Variants in ANKHD1 observed in about 807,000 individuals in gnomAD.
ANKHD1 encodes the protein ankyrin repeat and KH domain-containing protein 1.
ANKHD1 carries 31 observed loss-of-function variants against 230.5 expected under a neutral mutation model. That is an observed-to-expected ratio of 0.13 (90% CI 0.10 to 0.18). ANKHD1 has a LOEUF of 0.18. ANKHD1 is among the 10% of genes least tolerant of loss of function. ANKHD1 has a pLI of 1.00. For missense variants in ANKHD1, 2,256 were observed against 3,071.3 expected, an observed-to-expected ratio of 0.73 and a Z score of 6.27; for synonymous variants, 1,074 against 1,117.6, an observed-to-expected ratio of 0.96 and a Z score of 0.78.
intron 26 of ANKHD1, 59 bp downstream of exon 26, chr5:140,526,502 A>G: frequency 6.5e-7 from 1 of 1,528,494 alleles, no homozygotes; most frequent in Non-Finnish European, 8.8e-7. Context: ...GCCTGGTACA[A>G]GAATTTGAAG....
In ANKHD1 at chr5:140,430,652, C is replaced by CTT. The variant is rs34643827; in HGVS notation, c.307-5434_307-5433dup. Among the ~76,000 whole-genome samples, 134 of 114,678 alleles carry CTT rather than the reference C, an allele frequency of 1.2e-3. 2 individuals carry two copies. Among genetic ancestry groups the CTT allele is most frequent in the African/African-American group, 3.9e-3 (125 of 32,414 alleles). 75.2% of individuals were successfully genotyped at this position (114,678 alleles called of 152,430 possible). ...CCACGTAGCTATAAATGGTTTCCAT[C>CTT]TTTTTTTTTTTTTTTTTTTGACAGA... On this transcript the variant is annotated intron_variant, in intron 1 of 33. Coordinates refer to ENST00000360839, the MANE Select transcript of ANKHD1 (RefSeq NM_017747.3).
At position 140,508,015 on chromosome 5, in the gene ANKHD1, T is replaced by C. The variant is rs1446285261; in HGVS notation, c.3765+17T>C. 1 of 1,600,658 alleles carries C rather than the reference T, an allele frequency of 6.2e-7. No individual in the cohort carries two copies. The highest frequency in any genetic ancestry group is 1.1e-5 in the South Asian group (1 of 89,676). On this transcript the variant is annotated intron_variant, in intron 20 of 33. Coordinates refer to ENST00000360839, the MANE Select transcript of ANKHD1 (RefSeq NM_017747.3). ...AGGGCAAAGGTAAGCATTTTTTACT[T>C]GTCAACTATTTCAGATACATTTCTG...
intron 15 of ANKHD1, 76 bp downstream of exon 15, chr5:140,497,354 C>T (rs1048068572): frequency 2.9e-5 from 43 of 1,500,552 alleles, no homozygotes; most frequent in Non-Finnish European, 3.5e-5. Flanking sequence ...CCTCCAAAAA[C>T]GTAGACTTTG....
intron 29 of ANKHD1, among the ~76,000 whole-genome samples, chr5:140,534,173 A>G (rs1009596164): frequency 2.0e-5 from 3 of 152,168 alleles, no homozygotes; most frequent in Non-Finnish European, 4.4e-5. Flanking sequence ...CGGGTGGATC[A>G]TGAGGTCAGG....
chr5:140,519,469 A>C (rs866316636), intron 24 of ANKHD1, among the ~76,000 whole-genome samples: 3 of 152,220 alleles, frequency 2.0e-5, no homozygotes, highest in African/African-American at 7.2e-5. Context: ...CACATCGCCA[A>C]GTCAGTCCTA....
rs2127105554 is a variant in ANKHD1 at position 140,539,605 on chromosome 5, AT to A, written c.*191del. On this transcript the variant is annotated 3_prime_UTR_variant, in exon 34 of 34. Transcript: ENST00000360839. ...ATTATGTTCTCTGGTTAGTTTAGCC[AT>A]TTTGAACTTAAGATCATATGACCTT... 1 of 626,344 alleles carries A rather than the reference AT, an allele frequency of 1.6e-6. No homozygotes were observed. The highest frequency in any genetic ancestry group is 2.7e-5 in the South Asian group (1 of 37,226). 38.8% of individuals were successfully genotyped at this position (626,344 alleles called of 1,614,324 possible).
intron 18 of ANKHD1, 21 bp downstream of exon 18, chr5:140,505,890 A>G: frequency 6.4e-7 from 1 of 1,551,234 alleles, no homozygotes; most frequent in Non-Finnish European, 8.7e-7. Flanking sequence ...GTTAATTTTC[A>G]TTTTGTAAAT....
chr5:140,456,591 G>C (rs1315082759), intron 7 of ANKHD1, among the ~76,000 whole-genome samples: 1 of 152,182 alleles, frequency 6.6e-6, no homozygotes, highest in African/African-American at 2.4e-5. Flanking sequence ...TGACAAATCT[G>C]AGAAAAGCAA....
At chr5:140,403,023 G>A (rs1460694547) in intron 1 of ANKHD1, among the ~76,000 whole-genome samples, 2 of 126,792 alleles carry the variant, frequency 1.6e-5, no homozygotes, top group Non-Finnish European at 3.1e-5. Flanking sequence ...GTCCACGCTA[G>A]AATACACGTG....
intron 1 of ANKHD1, among the ~76,000 whole-genome samples, chr5:140,428,128 C>T (rs1159380610): frequency 6.6e-6 from 1 of 151,234 alleles, no homozygotes; most frequent in Non-Finnish European, 1.5e-5. Context: ...GGCGGCTGGG[C>T]AGAGACGCTC....
chr5:140,439,022 T>C (rs1242467212), intron 3 of ANKHD1, among the ~76,000 whole-genome samples: 1 of 152,218 alleles, frequency 6.6e-6, no homozygotes, highest in Non-Finnish European at 1.5e-5. Flanking sequence ...GTCCATGGAC[T>C]GGCAGTATCA....
intron 14 of ANKHD1, among the ~76,000 whole-genome samples, chr5:140,493,355 G>A (rs546550085): frequency 2.6e-5 from 4 of 152,084 alleles, no homozygotes; most frequent in African/African-American, 7.2e-5. Flanking sequence ...GTGAGCCACC[G>A]CACCCGGCCA....
chr5:140,433,517 G>T (rs1396545910), intron 1 of ANKHD1, among the ~76,000 whole-genome samples: 1 of 152,152 alleles, frequency 6.6e-6, no homozygotes, highest in Non-Finnish European at 1.5e-5. Context: ...GTCTTCACGG[G>T]TTACTAGGGC....
At chr5:140,442,430 G>A (rs894462966) in intron 5 of ANKHD1, among the ~76,000 whole-genome samples, 1 of 152,026 alleles carries the variant, frequency 6.6e-6, no homozygotes, top group Non-Finnish European at 1.5e-5. Context: ...GGGGAGGGAG[G>A]AGGGGATGTT....
chr5:140,509,924 T>C, intron 21 of ANKHD1, 95 bp from the exon 22 acceptor site: 2 of 1,543,422 alleles, frequency 1.3e-6, no homozygotes, highest in Non-Finnish European at 1.7e-6. Context: ...AAAAGATTAT[T>C]TGCAAGTTAT....
chr5:140,406,795 C>G (rs942632636), intron 1 of ANKHD1, among the ~76,000 whole-genome samples: 29 of 152,080 alleles, frequency 1.9e-4, no homozygotes, highest in African/African-American at 6.8e-4. Flanking sequence ...CTAGGTCTCC[C>G]AAAGTGCTGG....
At chr5:140,497,615 C>T (rs561157083) in intron 15 of ANKHD1, among the ~76,000 whole-genome samples, 1 of 152,116 alleles carries the variant, frequency 6.6e-6, no homozygotes, top group Admixed American at 6.5e-5. Context: ...TAGAAGTATT[C>T]GTATAAGATT....
chr5:140,479,210 G>A lies in ANKHD1; in HGVS notation c.1783-3370G>A, dbSNP rs570218237. On this transcript the variant is annotated intron_variant, in intron 10 of 33. Transcript: ENST00000360839. ...TACGGGGTTTCACCATGTTAGCTTGGATGGTCTCAATCTCCTGACCTCATG... is the reference window on the plus strand; with the variant it reads ...TACGGGGTTTCACCATGTTAGCTTGAATGGTCTCAATCTCCTGACCTCATG... 6.0e-5 allele frequency among the ~76,000 whole-genome samples: 9 copies of A among 150,644 alleles called. No individual in the cohort carries two copies. The East Asian group carries it at 7.9e-4, about 13-fold the overall frequency.
chr5:140,419,353 A>T (rs1771676042), intron 1 of ANKHD1, among the ~76,000 whole-genome samples: 1 of 149,058 alleles, frequency 6.7e-6, no homozygotes, highest in Non-Finnish European at 1.5e-5. Flanking sequence ...TCTTTTTTAA[A>T]TTTGTTTTAG....
Sources: gnomAD v4.1 joint callset for allele counts (sites outside exome capture counted in the v4.1 genomes callset) on GRCh38, gnomAD v4.1.1 for gene constraint, MANE v1.5 for transcripts, NCBI Gene and HGNC (gene_info 2026-07-23, HGNC 2026-07-21) for gene names.